Variants in IL18 observed in about 807,000 individuals in gnomAD.
IL18 encodes the protein interleukin-18.
A neutral mutation model predicts 14.2 loss-of-function variants in IL18; 8 were observed. That is an observed-to-expected ratio of 0.56 (90% confidence interval 0.33 to 1.01). The LOEUF (loss-of-function observed/expected upper bound fraction) is 1.01. Ranked by LOEUF, IL18 falls within the 50% of genes least tolerant of loss-of-function variation. The pLI is 0.03. For missense variants in IL18, 166 were observed against 231.1 expected, an observed-to-expected ratio of 0.72 and a Z score of 1.83; for synonymous variants, 67 against 71.0, an observed-to-expected ratio of 0.94 and a Z score of 0.28.
intron 4 of IL18, among the ~76,000 whole-genome samples, chr11:112,149,129 A>G (rs898581585): frequency 1.3e-5 from 2 of 152,044 alleles, no homozygotes; most frequent in Non-Finnish European, 1.5e-5. Context: ...CAGCTCTACT[A>G]AAAATACAAA....
At chr11:112,153,522 A>C in intron 3 of IL18, 70 bp downstream of exon 3, 1 of 1,075,050 alleles carries the variant, frequency 9.3e-7, no homozygotes, top group Non-Finnish European at 1.3e-6. Context: ...CTCAGCTGAC[A>C]ATGGTGAGAT....
At chr11:112,148,843 T>G in intron 4 of IL18, 107 bp from the exon 5 acceptor site, 1 of 603,660 alleles carries the variant, frequency 1.7e-6, no homozygotes. Flanking sequence ...GTTCCCACTT[T>G]GAGACTTGGC....
chr11:112,163,438 C>G (rs1555192421), intron 1 of IL18, among the ~76,000 whole-genome samples: 1 of 152,216 alleles, frequency 6.6e-6, no homozygotes, highest in Non-Finnish European at 1.5e-5. Flanking sequence ...TTCACTCATT[C>G]TCTCATGAGT....
chr11:112,145,261 T>C (rs191233830), intron 5 of IL18, among the ~76,000 whole-genome samples: 32 of 152,328 alleles, frequency 2.1e-4, no homozygotes, highest in Non-Finnish European at 4.7e-4. Context: ...GATGAAAGTA[T>C]AAACTAGTTC....
chr11:112,158,045 G>A (rs997654680), intron 1 of IL18, among the ~76,000 whole-genome samples: 1 of 152,076 alleles, frequency 6.6e-6, no homozygotes, highest in Non-Finnish European at 1.5e-5. Context: ...TAGTAGAGAC[G>A]GGTTTCTCCA....
At chr11:112,151,246 A>G (rs1866434336) in intron 3 of IL18, among the ~76,000 whole-genome samples, 1 of 152,202 alleles carries the variant, frequency 6.6e-6, no homozygotes, top group African/African-American at 2.4e-5. Context: ...TATAACTGCA[A>G]TTACTCGTTG....
At chr11:112,146,634 T>G (rs1866348057) in intron 5 of IL18, among the ~76,000 whole-genome samples, 2 of 152,120 alleles carry the variant, frequency 1.3e-5, no homozygotes, top group Non-Finnish European at 2.9e-5. Flanking sequence ...TGTTGTATCT[T>G]ATTATCTAGA....
intron 1 of IL18, among the ~76,000 whole-genome samples, chr11:112,156,939 G>C (rs1866544905): frequency 6.6e-6 from 1 of 151,912 alleles, no homozygotes. Flanking sequence ...GACTCTTAGA[G>C]AAAAATAATA....
At chr11:112,154,950 A>G (rs1866507509) in intron 2 of IL18, 25 bp downstream of exon 2, 2 of 1,420,268 alleles carry the variant, frequency 1.4e-6, no homozygotes, top group Non-Finnish European at 2.0e-6. Context: ...TGAACCTGGT[A>G]TTTGTTCTAT....
At chr11:112,157,186 T>G (rs1866549341) in intron 1 of IL18, among the ~76,000 whole-genome samples, 1 of 152,354 alleles carries the variant, frequency 6.6e-6, no homozygotes. Flanking sequence ...TGAGAGGCAC[T>G]CTATGTTTTG....
intron 3 of IL18, chr11:112,153,249 C>A (rs949200326): frequency 1.5e-5 from 3 of 200,674 alleles, no homozygotes; most frequent in African/African-American, 2.3e-5. Context: ...TTGGACAATT[C>A]TAATGCTTCA....
At chr11:112,155,164 C>CCTG in intron 1 of IL18, 103 bp from the exon 2 acceptor site, 1 of 574,542 alleles carries the variant, frequency 1.7e-6, no homozygotes. Context: ...ACCTAGTATA[C>CCTG]TGATGAACAA....
chr11:112,149,815 A>C (rs946255049), intron 4 of IL18, among the ~76,000 whole-genome samples: 1 of 152,132 alleles, frequency 6.6e-6, no homozygotes, highest in Non-Finnish European at 1.5e-5. Flanking sequence ...TAAACAGTTA[A>C]TGCAATCACA....
At chr11:112,161,272 T>G (rs1189682687) in intron 1 of IL18, among the ~76,000 whole-genome samples, 1 of 152,206 alleles carries the variant, frequency 6.6e-6, no homozygotes, top group Non-Finnish European at 1.5e-5. Flanking sequence ...GCAAGTCACT[T>G]AATTTTAAGG....
chr11:112,148,648 C>G lies in IL18; in HGVS notation c.315G>C (p.Glu105Asp). 6.6e-7 allele frequency: 1 copy of G among 1,518,498 alleles called. No homozygotes were observed. The highest frequency in any genetic ancestry group is 8.9e-7 in the Non-Finnish European group (1 of 1,128,380). 94.1% of individuals were successfully genotyped at this position (1,518,498 alleles called of 1,614,324 possible). ...GMAVTISVKC[E>D]KISTLSCENK... ...TCTCACAGGAGAGAGTTGAAATTTT[C>G]TCACACTTCACAGAGATAGTTACAG... The change falls in exon 5 of 6, where the codon GAG (glutamate) becomes GAC (aspartate). Residue 105 changes from glutamate to aspartate, a missense_variant. By Grantham distance (45) the Glu-to-Asp change is conservative. Transcript: ENST00000280357.
chr11:112,154,850 G>A (rs942397087), intron 2 of IL18, 125 bp downstream of exon 2: 3 of 604,296 alleles, frequency 5.0e-6, no homozygotes, highest in Admixed American at 6.0e-5. Flanking sequence ...ATTTTTTTAA[G>A]AGCCATTAAT....
intron 1 of IL18, among the ~76,000 whole-genome samples, chr11:112,158,676 A>G (rs1318429940): frequency 6.6e-6 from 1 of 152,172 alleles, no homozygotes; most frequent in Non-Finnish European, 1.5e-5. Context: ...TTACATAATA[A>G]TGACATGGAA....
chr11:112,150,463 G>T, intron 3 of IL18: 1 of 307,062 alleles, frequency 3.3e-6, no homozygotes, highest in Non-Finnish European at 6.1e-6. Flanking sequence ...TACCCTTCTA[G>T]TTTTCTTACA....
At chr11:112,161,345 C>G (rs1298038655) in intron 1 of IL18, among the ~76,000 whole-genome samples, 1 of 152,188 alleles carries the variant, frequency 6.6e-6, no homozygotes, top group Non-Finnish European at 1.5e-5. Flanking sequence ...TGTTCCAGCT[C>G]TACCAACCTG....
Sources: allele counts gnomAD v4.1 joint callset (sites outside exome capture counted in the v4.1 genomes callset), GRCh38; gene constraint gnomAD v4.1.1; transcripts MANE v1.5; gene names NCBI Gene and HGNC (gene_info 2026-07-23, HGNC 2026-07-21).